The following RPA1 variants were observed in gnomAD, a reference collection of about 807,000 sequenced individuals.
RPA1 encodes the protein replication protein A 70 kDa DNA-binding subunit.
Under a neutral mutation model 83.0 loss-of-function variants are expected in RPA1, and 49 were observed. That is an observed-to-expected ratio of 0.59 (90% CI 0.47 to 0.75). RPA1 has a LOEUF of 0.75. RPA1 is among the 30% of genes least tolerant of loss of function. The probability of loss-of-function intolerance (pLI) is 0.00; values close to 1 mark genes in which losing one functional copy is unlikely to be tolerated. For synonymous variants in RPA1, 279 were observed against 281.8 expected (o/e 0.99, Z 0.10); for missense variants, 693 against 776.1 (o/e 0.89, Z 1.27).
chr17:1,855,592 CTGATT>C (rs1302713540), intron 5 of RPA1, among the ~76,000 whole-genome samples: 1 of 152,080 alleles, frequency 6.6e-6, no homozygotes, highest in Non-Finnish European at 1.5e-5. Flanking sequence ...TCCCTTTGAT[CTGATT>C]TACTTTGTTT....
intron 6 of RPA1, among the ~76,000 whole-genome samples, chr17:1,874,028 TATATACAC>T (rs1407224236): frequency 1.7e-3 from 173 of 102,560 alleles, no homozygotes; most frequent in South Asian, 6.1e-3. Flanking sequence ...TATATATATA[TATATACAC>T]ACACACACAC....
chr17:1,872,501 G>T lies in RPA1; in HGVS notation c.429G>T (p.Gln143His). ...GCCCAGCAGCAAGCAGCAGGCCCCA[G>T]CCGCAGAATGGAAGCTCGGGAATGG... ...AASPAASSRP[Q>H]PQNGSSGMGS... The change falls in exon 6 of 17, where the codon CAG (glutamine) becomes CAT (histidine). Residue 143 changes from glutamine (Q) to histidine (H), a missense_variant. Gln to His is a conservative substitution (Grantham distance 24). Transcript: ENST00000254719. The T allele has an allele frequency of 4.3e-6, 7 of 1,614,034 alleles. No individual in the cohort carries two copies. The highest frequency in any genetic ancestry group is 5.9e-6 in the Non-Finnish European group (7 of 1,180,022).
chr17:1,863,746 G>A (rs148354049), intron 5 of RPA1, among the ~76,000 whole-genome samples: 126 of 152,284 alleles, frequency 8.3e-4, no homozygotes, highest in African/African-American at 3.0e-3. Flanking sequence ...AAACATACTT[G>A]TAGAAGGCAA....
intron 16 of RPA1, among the ~76,000 whole-genome samples, chr17:1,896,767 C>T (rs937898461): frequency 1.9e-4 from 29 of 152,222 alleles, no homozygotes; most frequent in African/African-American, 7.0e-4. Flanking sequence ...GCTGTATCCC[C>T]TGCAGTAGGG....
intron 7 of RPA1, 58 bp downstream of exon 7, chr17:1,875,851 T>C (rs2151285526): frequency 1.9e-6 from 3 of 1,542,012 alleles, no homozygotes; most frequent in South Asian, 1.2e-5. Flanking sequence ...GAAGCTATTA[T>C]GGACTCTTGA....
intron 13 of RPA1, among the ~76,000 whole-genome samples, chr17:1,886,705 CT>C (rs57659628): frequency 1.2e-3 from 156 of 125,424 alleles, no homozygotes; most frequent in East Asian, 6.1e-3. Flanking sequence ...TCTTCTGCAG[CT>C]TTTTTTTTTT....
chr17:1,838,814 T>C (rs1024898860), intron 1 of RPA1, among the ~76,000 whole-genome samples: 2 of 152,134 alleles, frequency 1.3e-5, no homozygotes, highest in Admixed American at 6.6e-5. Context: ...CACTATCCCA[T>C]TTCATTGAGT....
At chr17:1,851,189 GAC>G (rs1387203262) in intron 4 of RPA1, among the ~76,000 whole-genome samples, 2 of 152,146 alleles carry the variant, frequency 1.3e-5, no homozygotes, top group African/African-American at 4.8e-5. Flanking sequence ...CTCTTAAAAA[GAC>G]ACTATCCCAT....
chr17:1,894,564 A>G (rs1397533236), intron 15 of RPA1, among the ~76,000 whole-genome samples: 1 of 152,218 alleles, frequency 6.6e-6, no homozygotes, highest in East Asian at 1.9e-4. Context: ...TTACGTGTAC[A>G]GTTTAGTGGC....
At chr17:1,874,111 A>G (rs573005736) in intron 6 of RPA1, among the ~76,000 whole-genome samples, 2 of 150,102 alleles carry the variant, frequency 1.3e-5, no homozygotes, top group South Asian at 4.2e-4. Context: ...GTAAATAATC[A>G]TTTCCTTAGG....
rs1008134669 is a variant in RPA1, at chr17:1,899,294, GT to G, written c.*2122del. ...TTGCCTAAATAGATTCTGGCCCACAGTTTACCTCGAAAGGCTGTTGATGTTG... is the reference window on the plus strand; with the variant it reads ...TTGCCTAAATAGATTCTGGCCCACAGTTACCTCGAAAGGCTGTTGATGTTG... On this transcript the variant is annotated 3_prime_UTR_variant, in exon 17 of 17. Coordinates refer to ENST00000254719, the MANE Select transcript of RPA1 (RefSeq NM_002945.5). 2 of 152,706 alleles carry G rather than the reference GT, an allele frequency of 1.3e-5. No individual in the cohort carries two copies. The highest frequency in any genetic ancestry group is 2.9e-5 in the Non-Finnish European group (2 of 68,058). The allele number at this position is 152,706 out of a possible 1,614,324, so 9.5% of individuals were successfully genotyped here.
At chr17:1,853,665 A>T (rs538710970) in intron 5 of RPA1, among the ~76,000 whole-genome samples, 5 of 152,354 alleles carry the variant, frequency 3.3e-5, no homozygotes, top group African/African-American at 1.2e-4. Context: ...CCTGGGCAAC[A>T]GAGTGAGACT....
At chr17:1,844,756 ATAGTGAGTT>A in intron 4 of RPA1, 70 bp downstream of exon 4, 1 of 1,204,372 alleles carries the variant, frequency 8.3e-7, no homozygotes, top group Non-Finnish European at 1.2e-6. Context: ...AAAAAAGGCA[ATAGTGAGTT>A]TTCAGCTAAG....
chr17:1,879,535 C>G (rs764775536), intron 10 of RPA1, 25 bp from the exon 11 acceptor site: 7 of 1,613,956 alleles, frequency 4.3e-6, no homozygotes, highest in Non-Finnish European at 5.9e-6. Context: ...TGACCACCTC[C>G]TGCTAACACG....
intron 4 of RPA1, among the ~76,000 whole-genome samples, chr17:1,847,696 G>A (rs1157645594): frequency 1.3e-5 from 2 of 152,128 alleles, no homozygotes; most frequent in Non-Finnish European, 2.9e-5. Flanking sequence ...TCTGTGGAAA[G>A]TATACTAATT....
chr17:1,868,491 CG>C (rs1913266802), intron 5 of RPA1, among the ~76,000 whole-genome samples: 1 of 152,150 alleles, frequency 6.6e-6, no homozygotes, highest in Admixed American at 6.5e-5. Flanking sequence ...ATTGTCTTGG[CG>C]GGGCACGGTG....
intron 1 of RPA1, among the ~76,000 whole-genome samples, chr17:1,841,411 C>T (rs537846879): frequency 6.6e-6 from 1 of 152,284 alleles, no homozygotes; most frequent in South Asian, 2.1e-4. Flanking sequence ...TCAAGCGATT[C>T]TCCTGTCTCA....
chr17:1,894,206 G>A (rs1004281415), intron 15 of RPA1, among the ~76,000 whole-genome samples: 16 of 150,588 alleles, frequency 1.1e-4, no homozygotes, highest in African/African-American at 3.9e-4. Flanking sequence ...TCGCTCCATA[G>A]CCCATGCTGG....
At chr17:1,833,381 C>A (rs1266583977) in intron 1 of RPA1, among the ~76,000 whole-genome samples, 1 of 152,034 alleles carries the variant, frequency 6.6e-6, no homozygotes, top group Non-Finnish European at 1.5e-5. Flanking sequence ...AAGAAAGGGA[C>A]AGGTGAATGG....
Sources: gnomAD v4.1 joint callset for allele counts (sites outside exome capture counted in the v4.1 genomes callset) on GRCh38, gnomAD v4.1.1 for gene constraint, MANE v1.5 for transcripts, NCBI Gene and HGNC (gene_info 2026-07-23, HGNC 2026-07-21) for gene names.